The following CFAP54 variants were observed in gnomAD, a reference collection of about 807,000 sequenced individuals.
CFAP54 encodes cilia and flagella associated protein 54.
A neutral mutation model predicts 370.4 loss-of-function variants in CFAP54; 290 were observed. The observed-to-expected ratio is 0.78, with a 90% CI of 0.71 to 0.86. CFAP54 has a LOEUF of 0.86. CFAP54 is among the 40% of genes least tolerant of loss of function. The pLI, the probability that CFAP54 is intolerant of heterozygous loss-of-function variation, is 0.00. For synonymous variants in CFAP54, 1,206 were observed against 1,236.5 expected, an observed-to-expected ratio of 0.98 and a Z score of 0.52; for missense variants, 3,399 against 3,528.7, an observed-to-expected ratio of 0.96 and a Z score of 0.93.
chr12:96,835,350 G>A (rs969974832), intron 66 of CFAP54, among the ~76,000 whole-genome samples: 1 of 152,118 alleles, frequency 6.6e-6, no homozygotes, highest in Non-Finnish European at 1.5e-5. Flanking sequence ...ATGGGCCTCA[G>A]AGGGAAGGAA....
At chr12:96,692,709 G>A (rs1957400500) in intron 44 of CFAP54, among the ~76,000 whole-genome samples, 1 of 152,162 alleles carries the variant, frequency 6.6e-6, no homozygotes, top group East Asian at 1.9e-4. Flanking sequence ...AGGTTCCCCA[G>A]GTGAAATTGC....
intron 50 of CFAP54, among the ~76,000 whole-genome samples, chr12:96,726,740 C>A (rs1247303284): frequency 6.6e-6 from 1 of 152,074 alleles, no homozygotes; most frequent in African/African-American, 2.4e-5. Flanking sequence ...TTCACTCTTG[C>A]TTTTCTAGTT....
rs574339391 is a variant in CFAP54, at chr12:96,702,706, G to A, written c.6475-2037G>A. Among the ~76,000 whole-genome samples the A allele has an allele frequency of 3.9e-5, 6 of 152,286 alleles. No individual in the cohort carries two copies. In the South Asian group the frequency reaches 1.2e-3, roughly 32 times the overall value. On this transcript the variant is annotated intron_variant, in intron 46 of 67. Coordinates refer to ENST00000524981, the MANE Select transcript of CFAP54 (RefSeq NM_001306084.2). The stretch of plus-strand genomic sequence containing the variant: ...GATTTTGTATTCTCAAAGTTAATTT[G>A]CAGCTTTCGAGCTTCAGTTGGGAAT...
At chr12:96,557,462 C>T (rs781758232) in intron 17 of CFAP54, among the ~76,000 whole-genome samples, 4 of 151,986 alleles carry the variant, frequency 2.6e-5, no homozygotes, top group South Asian at 2.1e-4. Context: ...ATTTCTTGAA[C>T]GTGTACACCA....
At chr12:96,786,552 A>C in intron 61 of CFAP54, 123 bp from the exon 62 acceptor site, 1 of 688,796 alleles carries the variant, frequency 1.5e-6, no homozygotes, top group East Asian at 2.8e-5. Context: ...GAGGGACGTC[A>C]TTGGCAGCCT....
intron 44 of CFAP54, among the ~76,000 whole-genome samples, chr12:96,692,615 A>T (rs1399745628): frequency 2.0e-5 from 3 of 152,214 alleles, no homozygotes; most frequent in Admixed American, 2.0e-4. Context: ...AATGTATTGT[A>T]TTATGTTTGA....
intron 36 of CFAP54, among the ~76,000 whole-genome samples, chr12:96,657,210 A>G (rs1420340534): frequency 6.6e-6 from 1 of 152,206 alleles, no homozygotes; most frequent in Non-Finnish European, 1.5e-5. Context: ...TTGCCTTAAG[A>G]ATTTCCAGAG....
At chr12:96,592,412 G>A (rs2052293) in intron 23 of CFAP54, 78 bp from the exon 24 acceptor site, 166,996 of 377,752 alleles carry the variant, frequency 0.44, 38,435 homozygotes, top group Admixed American at 0.52. Context: ...TAGATACTGA[G>A]AACAAATCAA....
At chr12:96,628,495 G>A (rs974256837) in intron 30 of CFAP54, among the ~76,000 whole-genome samples, 12 of 152,172 alleles carry the variant, frequency 7.9e-5, no homozygotes, top group African/African-American at 2.9e-4. Flanking sequence ...CCCTGGTAGT[G>A]AGGGAGAGAG....
At chr12:96,510,521 TC>T (rs1234897140) in intron 4 of CFAP54, among the ~76,000 whole-genome samples, 1 of 152,146 alleles carries the variant, frequency 6.6e-6, no homozygotes, top group Non-Finnish European at 1.5e-5. Flanking sequence ...CTTCCTCAGT[TC>T]CCCAGTTCCC....
At chr12:96,495,436 C>T (rs1212008560) in intron 1 of CFAP54, among the ~76,000 whole-genome samples, 1 of 151,622 alleles carries the variant, frequency 6.6e-6, no homozygotes, top group East Asian at 1.9e-4. Context: ...GTGCCTCAGC[C>T]TCGTTGGTAG....
At chr12:96,518,564 T>C (rs1281505561) in intron 5 of CFAP54, among the ~76,000 whole-genome samples, 2 of 152,094 alleles carry the variant, frequency 1.3e-5, no homozygotes, top group African/African-American at 4.8e-5. Context: ...TGCACACCTG[T>C]AGTTCCAGTT....
At chr12:96,520,184 C>T (rs1461269167) in intron 6 of CFAP54, among the ~76,000 whole-genome samples, 1 of 152,136 alleles carries the variant, frequency 6.6e-6, no homozygotes, top group Admixed American at 6.5e-5. Context: ...TTCTAATGAC[C>T]ATTTAATACA....
intron 39 of CFAP54, among the ~76,000 whole-genome samples, chr12:96,671,195 C>T (rs935391255): frequency 6.6e-6 from 1 of 152,164 alleles, no homozygotes; most frequent in African/African-American, 2.4e-5. Flanking sequence ...TGGTCTCGAA[C>T]ACCTGACCTC....
chr12:96,545,250 G>T (rs1310701924), intron 14 of CFAP54, among the ~76,000 whole-genome samples: 12 of 151,994 alleles, frequency 7.9e-5, no homozygotes, highest in Non-Finnish European at 2.9e-5. Flanking sequence ...CCAGTCAGGG[G>T]GTGGGGAGCT....
chr12:96,723,828 C>A, intron 50 of CFAP54, among the ~76,000 whole-genome samples: 1 of 100,398 alleles, frequency 1.0e-5, no homozygotes, highest in East Asian at 3.8e-4. Context: ...TCCCTCCCCC[C>A]TCCCCCCACC....
chr12:96,869,058 G>A (rs1178212942), intron 67 of CFAP54, among the ~76,000 whole-genome samples: 1 of 152,130 alleles, frequency 6.6e-6, no homozygotes, highest in African/African-American at 2.4e-5. Flanking sequence ...TTCAAGGACT[G>A]TAGACTTTTC....
chr12:96,806,247 A>G (rs1187033769), intron 63 of CFAP54, among the ~76,000 whole-genome samples: 1 of 138,056 alleles, frequency 7.2e-6, no homozygotes, highest in Non-Finnish European at 1.6e-5. Flanking sequence ...GGAAAAATAA[A>G]ACAAAGGCTG....
At chr12:96,771,429 G>C in intron 60 of CFAP54, among the ~76,000 whole-genome samples, 1 of 152,196 alleles carries the variant, frequency 6.6e-6, no homozygotes, top group Admixed American at 6.5e-5. Context: ...AAGGCGGGCG[G>C]TTCACGAGGT....
Sources: allele counts gnomAD v4.1 joint callset (sites outside exome capture counted in the v4.1 genomes callset), GRCh38; gene constraint gnomAD v4.1.1; transcripts MANE v1.5; gene names NCBI Gene and HGNC (gene_info 2026-07-23, HGNC 2026-07-21).